The following CSMD3 variants were observed in gnomAD, a reference collection of about 807,000 sequenced individuals.
CSMD3 encodes CUB and sushi domain-containing protein 3.
Under a neutral mutation model 435.2 loss-of-function variants are expected in CSMD3, and 177 were observed. The observed-to-expected ratio is 0.41, with a 90% CI of 0.36 to 0.46. The LOEUF is 0.46. Among genes scored for constraint, CSMD3 ranks in the 20% least tolerant of loss-of-function variants. CSMD3 has a pLI of 0.34. For missense variants in CSMD3, 4,265 were observed against 4,504.6 expected (o/e 0.95, Z 1.52); for synonymous variants, 1,656 against 1,520.5 (o/e 1.09, Z -2.07).
intron 5 of CSMD3, among the ~76,000 whole-genome samples, chr8:113,064,366 T>G (rs892541514): frequency 2.6e-5 from 4 of 151,980 alleles, no homozygotes; most frequent in Non-Finnish European, 4.4e-5. Flanking sequence ...TAGAGAGAGA[T>G]ATTGTCTTTT....
At chr8:112,927,516 T>C (rs2082948492) in intron 9 of CSMD3, among the ~76,000 whole-genome samples, 5 of 152,106 alleles carry the variant, frequency 3.3e-5, no homozygotes, top group Admixed American at 3.3e-4. Context: ...AAGCTGGTAG[T>C]AAAAGTGATG....
intron 27 of CSMD3, among the ~76,000 whole-genome samples, chr8:112,518,625 TGTGTGAGAGAGAGAGA>T (rs971448952): frequency 6.1e-5 from 8 of 130,754 alleles, no homozygotes; most frequent in Non-Finnish European, 1.2e-4. Context: ...TGTGTGTGTG[TGTGTGAGAGAGAGAGA>T]GAGAGAGAGA....
At chr8:113,289,893 C>T (rs1231635893) in intron 2 of CSMD3, among the ~76,000 whole-genome samples, 1 of 151,674 alleles carries the variant, frequency 6.6e-6, no homozygotes, top group African/African-American at 2.4e-5. Context: ...AAATTTATGG[C>T]TCCTTCTATT....
chr8:113,194,160 G>T (rs147141580), intron 3 of CSMD3, among the ~76,000 whole-genome samples: 1 of 151,446 alleles, frequency 6.6e-6, no homozygotes, highest in African/African-American at 2.4e-5. Flanking sequence ...TGATAAAACA[G>T]TAGGGGACAC....
chr8:112,518,607 G>GGT lies in CSMD3; in HGVS notation c.4565-1384_4565-1383dup, dbSNP rs35981644. 5.6e-3 allele frequency among the ~76,000 whole-genome samples: 806 copies of GGT among 144,984 alleles called. 4 individuals carry two copies. Among genetic ancestry groups the GGT allele is most frequent in the African/African-American group, 0.017 (665 of 38,782 alleles). On this transcript the variant is annotated intron_variant, in intron 27 of 70. Transcript: ENST00000297405. Reference sequence around the variant, plus strand: ...TGGATAGAGATCTTTTATAAAAAATGGTGTGTGTGTGTGTGTGTGTGTGAG... The same window carrying GGT: ...TGGATAGAGATCTTTTATAAAAAATGGTGTGTGTGTGTGTGTGTGTGTGTGAG...
In CSMD3 at chr8:112,829,710, C is replaced by G. The variant is rs2079806758; in HGVS notation, c.1835G>C (p.Gly612Ala). ...CACTTGGAGCACTGTCCTAGGATCT[C>G]CAACTTCGCCCCCATCGCCAATTGT... is the stretch of plus-strand genomic sequence containing the variant. Reference protein sequence around the residue: ...TLTIGDGGEVGDPRTVLQVLT... With the variant: ...TLTIGDGGEVADPRTVLQVLT... The change falls in exon 12 of 71, where the codon GGA (glycine) becomes GCA (alanine). Residue 612 changes from glycine to alanine, a missense_variant. Physicochemically the swap from Gly to Ala is moderately conservative, Grantham distance 60 (BLOSUM62 0). Transcript: ENST00000297405. The G allele has an allele frequency of 6.2e-7, 1 of 1,611,978 alleles. No homozygotes were observed. Among genetic ancestry groups the G allele is most frequent in the Non-Finnish European group, 8.5e-7 (1 of 1,178,286 alleles).
In CSMD3 at chr8:112,351,258, A is replaced by G. The variant is rs569342310; in HGVS notation, c.6256-14T>C. 4 of 1,578,388 alleles carry G rather than the reference A, an allele frequency of 2.5e-6. No homozygotes were observed. In the East Asian group the frequency reaches 9.0e-5, roughly 35 times the overall value. On this transcript the variant is annotated splice_polypyrimidine_tract_variant and intron_variant, in intron 39 of 70. Coordinates refer to ENST00000297405, the MANE Select transcript of CSMD3 (RefSeq NM_198123.2). The stretch of plus-strand genomic sequence containing the variant: ...GTGAGAGTGACCCTACATAAACAAA[A>G]TGATGTGGTTCAGTACACATACATA...
chr8:113,144,401 C>G (rs563576520), intron 4 of CSMD3, among the ~76,000 whole-genome samples: 1 of 151,502 alleles, frequency 6.6e-6, no homozygotes, highest in Admixed American at 6.6e-5. Flanking sequence ...GACAGGCATT[C>G]TAGTTATGTT....
At chr8:113,156,966 G>GAGAC (rs1297419712) in intron 4 of CSMD3, among the ~76,000 whole-genome samples, 9 of 151,020 alleles carry the variant, frequency 6.0e-5, no homozygotes, top group African/African-American at 2.2e-4. Flanking sequence ...GACAGAGACA[G>GAGAC]AGAGAGAGAG....
chr8:113,166,033 G>A (rs1277550864), intron 4 of CSMD3, among the ~76,000 whole-genome samples: 3 of 152,028 alleles, frequency 2.0e-5, no homozygotes, highest in Non-Finnish European at 4.4e-5. Flanking sequence ...AACACCAGTG[G>A]ATCTTTTTGC....
intron 12 of CSMD3, among the ~76,000 whole-genome samples, chr8:112,827,532 A>G (rs948481920): frequency 6.6e-6 from 1 of 152,166 alleles, no homozygotes; most frequent in Non-Finnish European, 1.5e-5. Context: ...CATGTTTTAC[A>G]ATTTTATCTC....
chr8:113,390,616 A>G (rs1234014067), intron 1 of CSMD3, among the ~76,000 whole-genome samples: 1 of 151,884 alleles, frequency 6.6e-6, no homozygotes, highest in Non-Finnish European at 1.5e-5. Flanking sequence ...TCTAAAGATC[A>G]GTAAAATCAA....
At chr8:112,525,770 A>T (rs1327102464) in intron 27 of CSMD3, among the ~76,000 whole-genome samples, 104 of 140,518 alleles carry the variant, frequency 7.4e-4, no homozygotes, top group Non-Finnish European at 9.8e-4. Context: ...ATATATATAT[A>T]TTTATATGTG....
intron 5 of CSMD3, among the ~76,000 whole-genome samples, chr8:113,066,555 CTG>C: frequency 6.6e-6 from 1 of 152,168 alleles, no homozygotes; most frequent in African/African-American, 2.4e-5. Context: ...TTTAAATTAA[CTG>C]TGTCCCAGAT....
chr8:112,907,533 T>C lies in CSMD3; in HGVS notation c.1633+14094A>G, dbSNP rs189824691. Among the ~76,000 whole-genome samples, 496 of 151,384 alleles carry C rather than the reference T, an allele frequency of 3.3e-3. 4 individuals are homozygous for C. Among genetic ancestry groups the C allele is most frequent in the African/African-American group, 0.01 (431 of 41,412 alleles). ...AATTACTTGTAGTCAGTACAATTAC[T>C]ACTACAGAAAAGAAATTAAAGAAAA... On this transcript the variant is annotated intron_variant, in intron 10 of 70. Coordinates refer to ENST00000297405, the MANE Select transcript of CSMD3 (RefSeq NM_198123.2).
At position 113,185,256 on chromosome 8, in the gene CSMD3, C is replaced by A. The variant is rs998608835; in HGVS notation, c.515-11340G>T. Reference sequence around the variant, plus strand: ...TTTTAGAAATCATTCTTGTTTCGATCACTTGTAGTTGCAGTCCTGGTCCTA... The same window carrying A: ...TTTTAGAAATCATTCTTGTTTCGATAACTTGTAGTTGCAGTCCTGGTCCTA... On this transcript the variant is annotated intron_variant, in intron 3 of 70. Transcript: ENST00000297405. Among the ~76,000 whole-genome samples the A allele has an allele frequency of 2.6e-5, 4 of 151,922 alleles. No homozygotes were observed. The East Asian group carries it at 7.8e-4, about 30-fold the overall frequency.
At chr8:112,546,063 G>A (rs1465496769) in intron 27 of CSMD3, among the ~76,000 whole-genome samples, 2 of 152,182 alleles carry the variant, frequency 1.3e-5, no homozygotes, top group Non-Finnish European at 2.9e-5. Context: ...AGGTACAAGT[G>A]TTTCAGGAAT....
intron 1 of CSMD3, among the ~76,000 whole-genome samples, chr8:113,358,075 T>C (rs1431494594): frequency 6.6e-6 from 1 of 152,186 alleles, no homozygotes; most frequent in Non-Finnish European, 1.5e-5. Context: ...ATCACAAATC[T>C]AGTTAATGTC....
intron 4 of CSMD3, among the ~76,000 whole-genome samples, chr8:113,172,537 A>G (rs1295346972): frequency 2.0e-5 from 3 of 152,180 alleles, no homozygotes; most frequent in African/African-American, 7.2e-5. Context: ...AGCTTATCTT[A>G]TTTAATCCTC....
Sources: allele counts gnomAD v4.1 joint callset (sites outside exome capture counted in the v4.1 genomes callset), GRCh38; gene constraint gnomAD v4.1.1; transcripts MANE v1.5; gene names NCBI Gene and HGNC (gene_info 2026-07-23, HGNC 2026-07-21).